The following PCCA variants were observed in gnomAD, a reference collection of about 807,000 sequenced individuals.
PCCA encodes the protein propionyl-CoA carboxylase subunit alpha.
In PCCA, 74 loss-of-function variants were observed where a neutral mutation model predicts 101.3. The observed-to-expected ratio is 0.73, with a 90% CI of 0.61 to 0.89. The LOEUF is 0.89. Ranked by LOEUF, PCCA falls within the 40% of genes least tolerant of loss-of-function variation. The pLI is 0.00. For synonymous variants in PCCA, 294 were observed against 313.6 expected (o/e 0.94, Z 0.66); for missense variants, 891 against 907.0 (o/e 0.98, Z 0.23).
At position 100,423,952 on chromosome 13, in the gene PCCA, C is replaced by T. The variant is rs2078983674; in HGVS notation, c.1747-1681C>T. On this transcript the variant is annotated intron_variant, in intron 19 of 23. Transcript: ENST00000376285. Reference sequence around the variant, plus strand: ...TGAGTAACATCTCTCGCTGTTGAGGCTTTGAAAGCCTTGAGGAGGCTTCTC... The same window carrying T: ...TGAGTAACATCTCTCGCTGTTGAGGTTTTGAAAGCCTTGAGGAGGCTTCTC... Among the ~76,000 whole-genome samples the T allele has an allele frequency of 2.0e-5, 3 of 152,174 alleles. No individual in the cohort carries two copies. The South Asian group carries it at 6.2e-4, about 31-fold the overall frequency.
chr13:100,476,013 A>G (rs921627349), intron 21 of PCCA, among the ~76,000 whole-genome samples: 2 of 152,162 alleles, frequency 1.3e-5, no homozygotes, highest in African/African-American at 4.8e-5. Context: ...GTTAATATAT[A>G]TTTTCTAGGA....
chr13:100,131,546 C>T (rs2050514425), intron 4 of PCCA, among the ~76,000 whole-genome samples: 1 of 152,164 alleles, frequency 6.6e-6, no homozygotes, highest in South Asian at 2.1e-4. Context: ...ACATTAAGCA[C>T]ATTCACATTG....
chr13:100,395,266 A>G (rs186702536), intron 19 of PCCA, among the ~76,000 whole-genome samples: 1 of 152,288 alleles, frequency 6.6e-6, no homozygotes, highest in East Asian at 1.9e-4. Flanking sequence ...ATTCCATCCA[A>G]GAGTCTGTAG....
At chr13:100,189,870 G>C (rs1489240946) in intron 6 of PCCA, among the ~76,000 whole-genome samples, 1 of 152,098 alleles carries the variant, frequency 6.6e-6, no homozygotes, top group Admixed American at 6.5e-5. Context: ...TTTCTAGACT[G>C]TCCTCTCACT....
At chr13:100,259,738 G>T (rs1211387442) in intron 9 of PCCA, among the ~76,000 whole-genome samples, 1 of 152,120 alleles carries the variant, frequency 6.6e-6, no homozygotes, top group Non-Finnish European at 1.5e-5. Flanking sequence ...AAGTTTAAAT[G>T]AAGCGTATGG....
At chr13:100,327,400 A>G (rs1237610823) in intron 16 of PCCA, among the ~76,000 whole-genome samples, 1 of 152,138 alleles carries the variant, frequency 6.6e-6, no homozygotes, top group Non-Finnish European at 1.5e-5. Context: ...TTAATGTGTT[A>G]TTGACTCTGT....
At chr13:100,483,937 T>C (rs2084161012) in intron 21 of PCCA, among the ~76,000 whole-genome samples, 1 of 152,186 alleles carries the variant, frequency 6.6e-6, no homozygotes, top group Non-Finnish European at 1.5e-5. Context: ...TTGTGCCAGC[T>C]GGTTTCATGG....
At chr13:100,154,153 A>T (rs1208311278) in intron 4 of PCCA, among the ~76,000 whole-genome samples, 1 of 152,178 alleles carries the variant, frequency 6.6e-6, no homozygotes, top group African/African-American at 2.4e-5. Context: ...CTGAAACTGG[A>T]AAGCCATTAG....
intron 4 of PCCA, among the ~76,000 whole-genome samples, chr13:100,151,742 A>G (rs191008146): frequency 6.6e-6 from 1 of 152,362 alleles, no homozygotes; most frequent in Admixed American, 6.5e-5. Flanking sequence ...GTTAGTATTT[A>G]AAATGCTTTA....
At chr13:100,433,519 C>A (rs1311138047) in intron 20 of PCCA, among the ~76,000 whole-genome samples, 1 of 151,612 alleles carries the variant, frequency 6.6e-6, no homozygotes, top group East Asian at 1.9e-4. Context: ...TTTTTTAAAC[C>A]CTTTATTTCA....
intron 21 of PCCA, among the ~76,000 whole-genome samples, chr13:100,502,217 A>C (rs2085736798): frequency 6.6e-6 from 1 of 152,178 alleles, no homozygotes; most frequent in South Asian, 2.1e-4. Context: ...CATCTCGTTC[A>C]GAGTGATGCA....
intron 20 of PCCA, among the ~76,000 whole-genome samples, chr13:100,444,663 A>G (rs184513053): frequency 4.3e-4 from 65 of 150,928 alleles, no homozygotes; most frequent in African/African-American, 8.8e-4. Flanking sequence ...GGATGGTCTC[A>G]ATCTCCTGAC....
At chr13:100,516,960 G>GT (rs1320113836) in intron 22 of PCCA, among the ~76,000 whole-genome samples, 1 of 149,242 alleles carries the variant, frequency 6.7e-6, no homozygotes, top group East Asian at 2.0e-4. Flanking sequence ...TTTTTCTTAA[G>GT]TTTTTTTTCT....
chr13:100,193,160 G>T (rs919424125), intron 6 of PCCA, among the ~76,000 whole-genome samples: 2 of 152,150 alleles, frequency 1.3e-5, no homozygotes, highest in Non-Finnish European at 2.9e-5. Flanking sequence ...GGTGAGATGG[G>T]CCTGAGAAGG....
At chr13:100,151,108 G>T in intron 4 of PCCA, 1 of 1,275,976 alleles carries the variant, frequency 7.8e-7, no homozygotes, top group South Asian at 1.3e-5. Context: ...TGGCTTACCT[G>T]ATGGCTGCTG....
chr13:100,108,419 C>T (rs1172612605), intron 2 of PCCA, among the ~76,000 whole-genome samples: 3 of 152,116 alleles, frequency 2.0e-5, no homozygotes, highest in African/African-American at 7.2e-5. Context: ...GGATCAAGTC[C>T]CAGTTCCTTG....
chr13:100,215,340 A>G (rs2059450969), intron 7 of PCCA, among the ~76,000 whole-genome samples: 1 of 152,250 alleles, frequency 6.6e-6, no homozygotes, highest in Admixed American at 6.5e-5. Context: ...GTAGTGAACA[A>G]AAGAGACTGA....
intron 15 of PCCA, among the ~76,000 whole-genome samples, chr13:100,307,798 C>T (rs2152693427): frequency 6.6e-6 from 1 of 152,276 alleles, no homozygotes; most frequent in Admixed American, 6.5e-5. Flanking sequence ...GATCTTTAAA[C>T]CCTTAAAACC....
chr13:100,295,599 G>A lies in PCCA; in HGVS notation c.1066-5861G>A, dbSNP rs1422952986. Among the ~76,000 whole-genome samples, 4 of 152,166 alleles carry A rather than the reference G, an allele frequency of 2.6e-5. No homozygotes were observed. In the East Asian group the frequency reaches 7.7e-4, roughly 29 times the overall value. On this transcript the variant is annotated intron_variant, in intron 12 of 23. Coordinates refer to ENST00000376285, the MANE Select transcript of PCCA (RefSeq NM_000282.4). Reference sequence around the variant, plus strand: ...TATGCCTTCTCTATTAAATGACAGTGATGTATTGAAGAAGTTTGTGCATGT... The same window carrying A: ...TATGCCTTCTCTATTAAATGACAGTAATGTATTGAAGAAGTTTGTGCATGT...
Sources: allele counts gnomAD v4.1 joint callset (sites outside exome capture counted in the v4.1 genomes callset), GRCh38; gene constraint gnomAD v4.1.1; transcripts MANE v1.5; gene names NCBI Gene and HGNC (gene_info 2026-07-23, HGNC 2026-07-21).